The following JAK1 variants were observed in gnomAD, a reference collection of about 807,000 sequenced individuals.
JAK1 encodes tyrosine-protein kinase JAK1.
Under a neutral mutation model 136.6 loss-of-function variants are expected in JAK1, and 16 were observed. The observed-to-expected ratio is 0.12, with a 90% CI of 0.08 to 0.18. JAK1 has a LOEUF of 0.18. Among genes scored for constraint, JAK1 ranks in the 10% least tolerant of loss-of-function variants. JAK1 has a pLI of 1.00. For missense variants in JAK1, 859 were observed against 1,450.1 expected, an observed-to-expected ratio of 0.59 and a Z score of 6.62; for synonymous variants, 492 against 519.5, an observed-to-expected ratio of 0.95 and a Z score of 0.72.
At chr1:64,915,357 A>G (rs1301232709) in intron 1 of JAK1, among the ~76,000 whole-genome samples, 1 of 152,236 alleles carries the variant, frequency 6.6e-6, no homozygotes, top group African/African-American at 2.4e-5. Context: ...ATTGACTTCG[A>G]TAATCCACAA....
intron 1 of JAK1, among the ~76,000 whole-genome samples, chr1:64,909,465 CAA>C (rs989582348): frequency 1.3e-5 from 2 of 152,094 alleles, no homozygotes; most frequent in African/African-American, 4.8e-5. Context: ...GGAAAAATGA[CAA>C]AGAAACAGAA....
intron 1 of JAK1, among the ~76,000 whole-genome samples, chr1:64,953,088 G>T (rs180752584): frequency 1.2e-4 from 18 of 152,226 alleles, no homozygotes; most frequent in Non-Finnish European, 1.5e-4. Flanking sequence ...GCATAAGGAG[G>T]TTTCCTAAAT....
intron 1 of JAK1, among the ~76,000 whole-genome samples, chr1:64,895,331 T>C (rs1232822399): frequency 6.6e-6 from 1 of 152,224 alleles, no homozygotes; most frequent in African/African-American, 2.4e-5. Flanking sequence ...ATTTAATACA[T>C]TTTTAAATGC....
chr1:64,922,148 GA>G (rs5774729), intron 1 of JAK1, among the ~76,000 whole-genome samples: 40,724 of 148,444 alleles, frequency 0.27, 6,927 homozygotes, highest in African/African-American at 0.48. Context: ...TGTTCTTATG[GA>G]AAAAAAAAAC....
At chr1:64,955,501 A>T (rs926548722) in intron 1 of JAK1, among the ~76,000 whole-genome samples, 1 of 152,234 alleles carries the variant, frequency 6.6e-6, no homozygotes, top group Non-Finnish European at 1.5e-5. Flanking sequence ...AATAATGAAT[A>T]ATCTATTTTG....
At chr1:64,951,997 T>C (rs965826218) in intron 1 of JAK1, among the ~76,000 whole-genome samples, 4 of 152,198 alleles carry the variant, frequency 2.6e-5, no homozygotes, top group African/African-American at 9.7e-5. Flanking sequence ...AGTTGGTTGT[T>C]TGAAACTTGG....
intron 1 of JAK1, among the ~76,000 whole-genome samples, chr1:64,894,995 A>G (rs1325856439): frequency 6.6e-6 from 1 of 152,180 alleles, no homozygotes; most frequent in East Asian, 1.9e-4. Flanking sequence ...CCAAGGCGGC[A>G]GCAGCATCAG....
intron 1 of JAK1, among the ~76,000 whole-genome samples, chr1:64,913,829 G>A (rs1470845210): frequency 1.3e-5 from 2 of 152,116 alleles, no homozygotes; most frequent in African/African-American, 4.8e-5. Context: ...CCTGGGGCTG[G>A]GATTTGCAGA....
rs556512939 is a variant in JAK1, at chr1:65,018,368, G to A, written c.-78+26112C>T. Among the ~76,000 whole-genome samples, 154 of 152,006 alleles carry A rather than the reference G, an allele frequency of 1.0e-3. 1 individual carries two copies. The highest frequency in any genetic ancestry group is 3.5e-3 in the African/African-American group (146 of 41,460). On this transcript the variant is annotated intron_variant, in intron 2 of 25. Transcript: ENST00000671954. ...AAAATGTGTAAAATAGAAAAACTAT[G>A]TAACAGGAACAATAAAGCCAATAGT...
chr1:65,033,207 T>TGCTGTCACTCTTGC (rs1553183111), intron 2 of JAK1, among the ~76,000 whole-genome samples: 6 of 152,170 alleles, frequency 3.9e-5, no homozygotes, highest in African/African-American at 1.4e-4. Context: ...CAGACTCTTG[T>TGCTGTCACTCTTGC]GCTGTCACTC....
chr1:64,842,367 G>A (rs1654960371), intron 17 of JAK1, among the ~76,000 whole-genome samples: 1 of 147,866 alleles, frequency 6.8e-6, no homozygotes, highest in Admixed American at 6.9e-5. Context: ...GCTACTTTTG[G>A]AAGATGAAGT....
chr1:65,056,145 G>C (rs997577077), intron 1 of JAK1, among the ~76,000 whole-genome samples: 7 of 152,170 alleles, frequency 4.6e-5, no homozygotes, highest in Admixed American at 3.9e-4. Flanking sequence ...GTTTCTGTCA[G>C]AAATTCCTTT....
intron 1 of JAK1, among the ~76,000 whole-genome samples, chr1:64,916,840 CA>C (rs34248076): frequency 0.57 from 68,794 of 120,902 alleles, 18,676 homozygotes; most frequent in Middle Eastern, 0.73. Flanking sequence ...GACCCTTTCT[CA>C]AAAAAAAAAA....
At chr1:64,990,476 A>G (rs1646644616) in intron 2 of JAK1, 1 of 152,294 alleles carries the variant, frequency 6.6e-6, no homozygotes, top group South Asian at 2.1e-4. Context: ...ACACAAAAAA[A>G]TAAATAAAAT....
intron 1 of JAK1, among the ~76,000 whole-genome samples, chr1:64,949,664 A>G (rs1335235966): frequency 6.6e-6 from 1 of 152,244 alleles, no homozygotes; most frequent in Non-Finnish European, 1.5e-5. Context: ...TTGCCTGTAC[A>G]ACAGTCAGGA....
At chr1:64,878,664 T>C (rs1244160714) in intron 4 of JAK1, among the ~76,000 whole-genome samples, 1 of 147,986 alleles carries the variant, frequency 6.8e-6, no homozygotes, top group African/African-American at 2.5e-5. Flanking sequence ...TATCGTCTCC[T>C]GTTTCTTTTT....
Position 64,869,563 on chromosome 1 carries a change from G to A in JAK1, c.484-89C>T, listed in dbSNP as rs35763197. The stretch of plus-strand genomic sequence containing the variant: ...ACACAGGGAGGGGCCGCCTAGAAAC[G>A]CAGCACAGCAACGAGACGAATCAGA... On this transcript the variant is annotated intron_variant, in intron 5 of 24. Transcript: ENST00000342505. The A allele has an allele frequency of 9.1e-4, 894 of 977,850 alleles. 7 individuals carry two copies. The African/African-American group carries it at 0.012, about 13-fold the overall frequency. 60.6% of individuals were successfully genotyped at this position (977,850 alleles called of 1,614,324 possible).
At chr1:64,839,539 T>G in intron 20 of JAK1, 64 bp downstream of exon 20, 1 of 1,457,262 alleles carries the variant, frequency 6.9e-7, no homozygotes, top group South Asian at 1.3e-5. Flanking sequence ...TGTTTTGCAC[T>G]GGCCTTTATG....
intron 9 of JAK1, among the ~76,000 whole-genome samples, chr1:64,858,205 G>T (rs1209093548): frequency 6.6e-6 from 1 of 152,208 alleles, no homozygotes; most frequent in African/African-American, 2.4e-5. Flanking sequence ...ATCACCATGG[G>T]CTCACACTGA....
Sources: gnomAD v4.1 joint callset for allele counts (sites outside exome capture counted in the v4.1 genomes callset) on GRCh38, gnomAD v4.1.1 for gene constraint, MANE v1.5 for transcripts, NCBI Gene and HGNC (gene_info 2026-07-23, HGNC 2026-07-21) for gene names.